The following DSCAML1 variants were observed in gnomAD, a reference collection of about 807,000 sequenced individuals.
The protein encoded by DSCAML1 is DS cell adhesion molecule like 1.
In DSCAML1, 38 loss-of-function variants were observed where a neutral mutation model predicts 200.5. That is an observed-to-expected ratio of 0.19 (90% CI 0.15 to 0.25). The LOEUF is 0.25. Among genes scored for constraint, DSCAML1 ranks in the 10% least tolerant of loss-of-function variants. The pLI is 1.00. For missense variants in DSCAML1, 2,223 were observed against 2,858.8 expected (o/e 0.78, Z 5.07); for synonymous variants, 1,215 against 1,165.0 (o/e 1.04, Z -0.87).
intron 3 of DSCAML1, among the ~76,000 whole-genome samples, chr11:117,760,556 G>A (rs1041992967): frequency 7.9e-5 from 12 of 152,168 alleles, no homozygotes; most frequent in Admixed American, 2.0e-4. Context: ...TCTGGTTCAC[G>A]CATTTCCCCT....
At chr11:117,585,147 C>T (rs1426077911) in intron 3 of DSCAML1, among the ~76,000 whole-genome samples, 1 of 152,136 alleles carries the variant, frequency 6.6e-6, no homozygotes, top group Non-Finnish European at 1.5e-5. Context: ...CCACGTGACT[C>T]GCCTCATTTT....
chr11:117,726,606 G>A (rs962680871), intron 3 of DSCAML1, among the ~76,000 whole-genome samples: 20 of 152,048 alleles, frequency 1.3e-4, no homozygotes, highest in African/African-American at 4.1e-4. Context: ...AGAGGCTTCC[G>A]GAAGGAAGAA....
intron 3 of DSCAML1, among the ~76,000 whole-genome samples, chr11:117,768,342 A>T (rs1302811323): frequency 6.6e-6 from 1 of 152,186 alleles, no homozygotes; most frequent in Non-Finnish European, 1.5e-5. Context: ...TGAGATAAAA[A>T]CATGATGGTG....
chr11:117,507,583 C>T (rs2049526586), intron 8 of DSCAML1, among the ~76,000 whole-genome samples: 1 of 152,146 alleles, frequency 6.6e-6, no homozygotes, highest in Non-Finnish European at 1.5e-5. Context: ...GTCAGTAGGG[C>T]CCTCAGGTGA....
At chr11:117,476,991 C>A (rs1476909730) in intron 14 of DSCAML1, among the ~76,000 whole-genome samples, 1 of 152,078 alleles carries the variant, frequency 6.6e-6, no homozygotes, top group Non-Finnish European at 1.5e-5. Flanking sequence ...GTGCTAGGCA[C>A]CTCCATGTAT....
At chr11:117,440,534 G>A (rs551072521) in intron 21 of DSCAML1, among the ~76,000 whole-genome samples, 8 of 152,286 alleles carry the variant, frequency 5.3e-5, no homozygotes, top group Middle Eastern at 3.4e-3. Flanking sequence ...CCAAGGGGAC[G>A]GGCAGAAGTA....
chr11:117,632,137 C>T (rs928924665), intron 3 of DSCAML1, among the ~76,000 whole-genome samples: 1 of 152,200 alleles, frequency 6.6e-6, no homozygotes, highest in Non-Finnish European at 1.5e-5. Flanking sequence ...CAGTCACTGG[C>T]CCCAGGTCAT....
intron 3 of DSCAML1, among the ~76,000 whole-genome samples, chr11:117,760,815 T>C (rs1470825976): frequency 3.3e-5 from 5 of 152,216 alleles, no homozygotes; most frequent in Non-Finnish European, 7.3e-5. Flanking sequence ...TTTGTCAAAC[T>C]GGACCAATCT....
chr11:117,772,523 C>T (rs1031922314), intron 3 of DSCAML1, among the ~76,000 whole-genome samples: 7 of 152,236 alleles, frequency 4.6e-5, no homozygotes, highest in Admixed American at 2.6e-4. Context: ...ATCTGGCCCA[C>T]ATCTGAGCAG....
In DSCAML1 at chr11:117,642,709, T is replaced by A. The variant is rs2052437497; in HGVS notation, c.512-110187A>T. 6.6e-6 allele frequency among the ~76,000 whole-genome samples: 1 copy of A among 152,182 alleles called. No homozygotes were observed. The highest frequency in any genetic ancestry group is 6.5e-5 in the Admixed American group (1 of 15,288). ...TTCTTGGGCCAGTGGATTGTCACGA[T>A]CCTGGCTCAGATGAAGACGTCAGAC... On this transcript the variant is annotated intron_variant, in intron 3 of 32. Coordinates refer to ENST00000651296, the MANE Select transcript of DSCAML1 (RefSeq NM_020693.4). This position sits in a 1 kb window ranked among gnomAD's most constrained non-coding sequence, Gnocchi z 4.1.
At chr11:117,673,202 C>T (rs1267116414) in intron 3 of DSCAML1, among the ~76,000 whole-genome samples, 1 of 152,182 alleles carries the variant, frequency 6.6e-6, no homozygotes, top group African/African-American at 2.4e-5. Context: ...TTATTACTTG[C>T]TTAAGCCAAG....
intron 3 of DSCAML1, among the ~76,000 whole-genome samples, chr11:117,597,556 C>G (rs2137500408): frequency 6.6e-6 from 1 of 152,374 alleles, no homozygotes; most frequent in Middle Eastern, 3.4e-3. Flanking sequence ...TCAAGCAATT[C>G]TCCTACCTCA....
In DSCAML1 at chr11:117,433,181, C is replaced by G. The variant is rs757216933; in HGVS notation, c.4983G>C (p.Arg1661Ser). ...CTTTGTCCTCGATGAGCAGCTGGAC[C>G]CTGGGGATGTCAATGTGTAGCCGTG... ...QGPRLHIDIP[R>S]VQLLIEDKEG... Residue 1661 changes from arginine (R) to serine (S), a missense_variant, in exon 29 of 33, where the codon AGG becomes AGC. Coordinates refer to ENST00000651296, the MANE Select transcript of DSCAML1 (RefSeq NM_020693.4). The G allele has an allele frequency of 6.2e-7, 1 of 1,614,098 alleles. No homozygotes were observed.
chr11:117,803,011 C>A (rs184378012), intron 1 of DSCAML1, among the ~76,000 whole-genome samples: 2 of 151,998 alleles, frequency 1.3e-5, no homozygotes, highest in Non-Finnish European at 2.9e-5. Context: ...TACTGTCAAT[C>A]ACAGCTGCTA....
chr11:117,512,628 G>T (rs1285217661), intron 8 of DSCAML1, among the ~76,000 whole-genome samples: 1 of 149,300 alleles, frequency 6.7e-6, no homozygotes, highest in African/African-American at 2.5e-5. Context: ...GGGAAGGTGT[G>T]CATGCAAGCG....
intron 2 of DSCAML1, 37 bp from the exon 3 acceptor site, chr11:117,776,974 C>A: frequency 6.2e-7 from 1 of 1,610,550 alleles, no homozygotes; most frequent in South Asian, 1.1e-5. Flanking sequence ...AGAAGAGTGT[C>A]ACAAGGATGT....
At chr11:117,742,656 C>A (rs2054443326) in intron 3 of DSCAML1, among the ~76,000 whole-genome samples, 1 of 152,210 alleles carries the variant, frequency 6.6e-6, no homozygotes, top group Non-Finnish European at 1.5e-5. Flanking sequence ...GGTCCTTGGA[C>A]TGTGCACACA....
Position 117,471,870 on chromosome 11 carries a change from G to A in DSCAML1, c.2952C>T (p.Ala984=), listed in dbSNP as rs141698129. Residue 984 remains alanine (A), a splice_region_variant and synonymous_variant, in exon 15 of 33, where the codon GCC becomes GCT. Coordinates refer to ENST00000651296, the MANE Select transcript of DSCAML1 (RefSeq NM_020693.4). ...GGGCAGGCTGGGTGAGGTGCTCACC[G>A]GCCTCCTCAGTGCTGATGGTGAGCT... ...SKELTISTEE[A]APDGPPMDVT... 39 of 1,539,584 alleles carry A rather than the reference G, an allele frequency of 2.5e-5. No homozygotes were observed. The highest frequency in any genetic ancestry group is 9.0e-5 in the East Asian group (4 of 44,616).
intron 3 of DSCAML1, among the ~76,000 whole-genome samples, chr11:117,720,369 C>T (rs946073076): frequency 3.9e-5 from 6 of 152,044 alleles, no homozygotes; most frequent in Non-Finnish European, 7.4e-5. Context: ...GACAAAGTAC[C>T]GAGATGGAGT....
Sources: gnomAD v4.1 joint callset for allele counts (sites outside exome capture counted in the v4.1 genomes callset) on GRCh38, gnomAD v4.1.1 for gene constraint, Gnocchi (gnomAD v3.1) non-coding constraint, MANE v1.5 for transcripts, NCBI Gene and HGNC (gene_info 2026-07-23, HGNC 2026-07-21) for gene names.